SORL1: variants seen among roughly 807,000 people sequenced by gnomAD.
SORL1 encodes sortilin related receptor 1, also known as sortilin-related receptor.
In SORL1, 127 loss-of-function variants were observed where a neutral mutation model predicts 273.7. That is an observed-to-expected ratio of 0.46 (90% CI 0.40 to 0.54). The LOEUF (loss-of-function observed/expected upper bound fraction) is 0.54, where lower values mean the gene tolerates loss of function less well. SORL1 is among the 20% of genes least tolerant of loss of function. The probability of loss-of-function intolerance (pLI) is 0.00; values close to 1 mark genes in which losing one functional copy is unlikely to be tolerated. For synonymous variants in SORL1, 1,031 were observed against 1,067.4 expected (o/e 0.97, Z 0.66); for missense variants, 2,494 against 2,846.1 (o/e 0.88, Z 2.81).
At chr11:121,506,197 C>A (rs984811602) in intron 6 of SORL1, among the ~76,000 whole-genome samples, 1 of 152,104 alleles carries the variant, frequency 6.6e-6, no homozygotes, top group African/African-American at 2.4e-5. Context: ...TATTAAATGT[C>A]CTTCCTTGTC....
chr11:121,478,049 A>G (rs567294360), intron 2 of SORL1, 69 bp from the exon 3 acceptor site: 147 of 1,436,580 alleles, frequency 1.0e-4, no homozygotes, highest in East Asian at 9.8e-4. Context: ...AAAAAAAAAA[A>G]AAAGAAAGAT....
intron 25 of SORL1, among the ~76,000 whole-genome samples, chr11:121,578,331 C>T (rs1447384586): frequency 6.6e-6 from 1 of 152,204 alleles, no homozygotes; most frequent in Non-Finnish European, 1.5e-5. Flanking sequence ...TTATCTGAAG[C>T]CAGCTATTAA....
intron 8 of SORL1, among the ~76,000 whole-genome samples, chr11:121,514,722 AATTG>A (rs1394780880): frequency 6.6e-6 from 1 of 152,146 alleles, no homozygotes; most frequent in Non-Finnish European, 1.5e-5. Context: ...GGATCAGGTT[AATTG>A]ATGTCATTAC....
chr11:121,520,127 C>T (rs752781660), intron 8 of SORL1, among the ~76,000 whole-genome samples: 1 of 152,106 alleles, frequency 6.6e-6, no homozygotes, highest in South Asian at 2.1e-4. Flanking sequence ...GTGGCACACA[C>T]CTGTAGTCCC....
intron 6 of SORL1, among the ~76,000 whole-genome samples, chr11:121,505,455 C>G (rs1186562478): frequency 1.3e-5 from 2 of 151,262 alleles, no homozygotes; most frequent in Non-Finnish European, 2.9e-5. Flanking sequence ...TTCATTTATT[C>G]CTACTGTAAT....
chr11:121,508,158 A>G (rs894570484), intron 6 of SORL1, among the ~76,000 whole-genome samples: 6 of 152,078 alleles, frequency 3.9e-5, no homozygotes, highest in East Asian at 1.9e-4. Flanking sequence ...TATACCTTCA[A>G]TGCTTTTGCA....
chr11:121,543,465 GTTCCTGGTGAA>G, intron 12 of SORL1, 72 bp from the exon 13 acceptor site: 1 of 1,161,398 alleles, frequency 8.6e-7, no homozygotes, highest in Non-Finnish European at 1.2e-6. Context: ...CCTGGTTCCT[GTTCCTGGTGAA>G]TGTTATATGG....
At chr11:121,504,523 A>G (rs192203973) in intron 6 of SORL1, among the ~76,000 whole-genome samples, 74 of 152,218 alleles carry the variant, frequency 4.9e-4, no homozygotes, top group African/African-American at 1.6e-3. Flanking sequence ...TGATTTTTGT[A>G]TTATTGATCT....
chr11:121,530,141 A>G (rs1344647050), intron 11 of SORL1, among the ~76,000 whole-genome samples: 1 of 152,238 alleles, frequency 6.6e-6, no homozygotes, highest in East Asian at 1.9e-4. Context: ...ATCAACACAC[A>G]TTACAAAACC....
intron 3 of SORL1, among the ~76,000 whole-genome samples, chr11:121,487,602 C>T (rs1435851659): frequency 6.6e-6 from 1 of 152,180 alleles, no homozygotes; most frequent in Non-Finnish European, 1.5e-5. Context: ...TTGGAGGATG[C>T]AGGGAGACTC....
Position 121,627,803 on chromosome 11 carries a change from G to A in SORL1, c.6577+36G>A, listed in dbSNP as rs111852088. 2,128 of 1,505,144 alleles carry A rather than the reference G, an allele frequency of 1.4e-3. 28 individuals carry two copies. In the African/African-American group the frequency reaches 0.025, roughly 18 times the overall value. 93.2% of individuals were successfully genotyped at this position (1,505,144 alleles called of 1,614,324 possible). A position where few individuals can be genotyped will look rare whatever the true frequency, so the allele number is the denominator to read the frequency against. The stretch of plus-strand genomic sequence containing the variant: ...CAGGGAGAGTCGGTTCTTCCTCCCA[G>A]GGCTGACCCCCACGCAGCCAATGAC... On this transcript the variant is annotated intron_variant, in intron 47 of 47. Coordinates refer to ENST00000260197, the MANE Select transcript of SORL1 (RefSeq NM_003105.6). The surrounding 1 kb of genome is among the most constrained non-coding windows in gnomAD (Gnocchi z 4.9).
At chr11:121,492,965 G>C (rs1411413809) in intron 5 of SORL1, among the ~76,000 whole-genome samples, 1 of 151,674 alleles carries the variant, frequency 6.6e-6, no homozygotes, top group Middle Eastern at 3.4e-3. Context: ...ACCACGCCTG[G>C]CTAATTTTAT....
At chr11:121,560,937 C>G (rs1371287149) in intron 21 of SORL1, among the ~76,000 whole-genome samples, 2 of 152,208 alleles carry the variant, frequency 1.3e-5, no homozygotes, top group African/African-American at 4.8e-5. Context: ...GGAGAAGTCA[C>G]ATTCTTTCTT....
intron 9 of SORL1, among the ~76,000 whole-genome samples, chr11:121,522,109 G>A (rs1565323414): frequency 6.6e-6 from 1 of 152,230 alleles, no homozygotes; most frequent in Non-Finnish European, 1.5e-5. Context: ...CATTGATACT[G>A]TACATCAGGG....
At chr11:121,523,291 C>T (rs1297376758) in intron 11 of SORL1, among the ~76,000 whole-genome samples, 1 of 152,100 alleles carries the variant, frequency 6.6e-6, no homozygotes, top group Non-Finnish European at 1.5e-5. Flanking sequence ...CTAAGAGTGC[C>T]TGGCATGGAG....
intron 26 of SORL1, among the ~76,000 whole-genome samples, chr11:121,583,897 A>G (rs1462839693): frequency 6.6e-6 from 1 of 152,248 alleles, no homozygotes; most frequent in African/African-American, 2.4e-5. Context: ...TTTGCCAAAC[A>G]TTCCAAGTTT....
Position 121,622,219 on chromosome 11 carries a change from TG to T in SORL1, c.6123del (p.Trp2043GlyfsTer6). On this transcript the variant is annotated frameshift_variant, in exon 45 of 48. Coordinates refer to ENST00000260197, the MANE Select transcript of SORL1 (RefSeq NM_003105.6). LOFTEE classifies it high-confidence loss of function. ...ATAACAGAAAATGATCATGTTCTTC[TG>T]TTTTGGAAAAGCCTGGCTTTAAAGG... ...KIITENDHVL[L>X]FWKSLALKEK... 1 of 1,613,126 alleles carries T rather than the reference TG, an allele frequency of 6.2e-7. No homozygotes were observed. The highest frequency in any genetic ancestry group is 8.5e-7 in the Non-Finnish European group (1 of 1,179,502).
In SORL1 at chr11:121,591,009, ATTC is replaced by A. The variant is rs757834864; in HGVS notation, c.4226_4228del (p.Leu1409del). On this transcript the variant is annotated inframe_deletion, in exon 31 of 48. Coordinates refer to ENST00000260197, the MANE Select transcript of SORL1 (RefSeq NM_003105.6). ...CTTGGTGTTTTTCTCAGATTCACAT[ATTC>A]TTCCCTTCTCGACTCCTGGGCCCTC... 6.2e-7 allele frequency: 1 copy of A among 1,614,148 alleles called. No individual in the cohort carries two copies. Among genetic ancestry groups the A allele is most frequent in the Non-Finnish European group, 8.5e-7 (1 of 1,180,032 alleles).
At chr11:121,567,471 C>T (rs1312181570) in intron 22 of SORL1, among the ~76,000 whole-genome samples, 2 of 152,334 alleles carry the variant, frequency 1.3e-5, no homozygotes, top group East Asian at 1.9e-4. Context: ...TTCTTACCTG[C>T]TCCTGTTTTG....
Sources: gnomAD v4.1 joint callset for allele counts (sites outside exome capture counted in the v4.1 genomes callset) on GRCh38, gnomAD v4.1.1 for gene constraint, Gnocchi (gnomAD v3.1) non-coding constraint, MANE v1.5 for transcripts, NCBI Gene and HGNC (gene_info 2026-07-23, HGNC 2026-07-21) for gene names.